Variants in ANKS1B observed in about 807,000 individuals in gnomAD.
The protein encoded by ANKS1B is ankyrin repeat and sterile alpha motif domain containing 1B.
In ANKS1B, 36 loss-of-function variants were observed where a neutral mutation model predicts 148.3. The observed-to-expected ratio is 0.24, with a 90% CI of 0.19 to 0.32. The LOEUF is 0.32. Ranked by LOEUF, ANKS1B falls within the 10% of genes least tolerant of loss-of-function variation. The pLI is 1.00. For missense variants in ANKS1B, 1,157 were observed against 1,542.6 expected (o/e 0.75, Z 4.19); for synonymous variants, 542 against 560.8 (o/e 0.97, Z 0.47).
chr12:99,249,363 C>A (rs943729418), intron 12 of ANKS1B, among the ~76,000 whole-genome samples: 13 of 152,070 alleles, frequency 8.5e-5, no homozygotes, highest in Admixed American at 2.6e-4. Context: ...GTTACCATCC[C>A]CTCTGTAGTT....
intron 17 of ANKS1B, among the ~76,000 whole-genome samples, chr12:98,873,827 A>G (rs955568797): frequency 6.6e-6 from 1 of 152,242 alleles, no homozygotes; most frequent in African/African-American, 2.4e-5. Context: ...ATGGGAAATA[A>G]GCAAAAATGA....
At chr12:99,820,335 G>A (rs910936319) in intron 2 of ANKS1B, among the ~76,000 whole-genome samples, 2 of 151,904 alleles carry the variant, frequency 1.3e-5, no homozygotes, top group Non-Finnish European at 2.9e-5. Context: ...TACAAAATTG[G>A]GGAAACTGGT....
Position 99,595,094 on chromosome 12 carries a change from A to C in ANKS1B, c.1272+59973T>G, listed in dbSNP as rs1272129056. Among the ~76,000 whole-genome samples, 4 of 152,028 alleles carry C rather than the reference A, an allele frequency of 2.6e-5. No homozygotes were observed. In the East Asian group the frequency reaches 7.7e-4, roughly 29 times the overall value. ...GGCACAAATAATAGTTTAACTCATC[A>C]GTGAAATAGAGACATAAATACCTAA... On this transcript the variant is annotated intron_variant, in intron 9 of 26. Coordinates refer to ENST00000683438, the MANE Select transcript of ANKS1B (RefSeq NM_001352186.2).
At chr12:99,338,083 A>C (rs897277984) in intron 12 of ANKS1B, among the ~76,000 whole-genome samples, 3 of 152,156 alleles carry the variant, frequency 2.0e-5, no homozygotes, top group African/African-American at 7.2e-5. Context: ...AAGGCGGTGA[A>C]TCCAGACAGG....
intron 8 of ANKS1B, among the ~76,000 whole-genome samples, chr12:99,655,839 T>C (rs893768478): frequency 6.6e-6 from 1 of 152,096 alleles, no homozygotes; most frequent in African/African-American, 2.4e-5. Flanking sequence ...TTAAGAAAAC[T>C]TCTGGATAAT....
chr12:99,279,642 T>TATTATCAAAC (rs1335752422), intron 12 of ANKS1B, among the ~76,000 whole-genome samples: 1 of 152,198 alleles, frequency 6.6e-6, no homozygotes, highest in Non-Finnish European at 1.5e-5. Flanking sequence ...TGCAGTTGAA[T>TATTATCAAAC]ATTATCAAAC....
At chr12:99,809,041 T>C (rs2067997944) in intron 3 of ANKS1B, among the ~76,000 whole-genome samples, 1 of 152,166 alleles carries the variant, frequency 6.6e-6, no homozygotes, top group Admixed American at 6.5e-5. Context: ...GAGAGCATGA[T>C]TGTGTATTTG....
chr12:99,715,715 C>A (rs1306820131), intron 8 of ANKS1B, among the ~76,000 whole-genome samples: 4 of 152,118 alleles, frequency 2.6e-5, no homozygotes, highest in Non-Finnish European at 4.4e-5. Flanking sequence ...GACCCATCAG[C>A]CCAAGGAACA....
At chr12:98,975,368 GCCTTCCACCCTTCCTA>G (rs2099892929) in intron 17 of ANKS1B, among the ~76,000 whole-genome samples, 1 of 132,158 alleles carries the variant, frequency 7.6e-6, no homozygotes, top group Non-Finnish European at 1.6e-5. Flanking sequence ...CTCCCTTCCT[GCCTTCCACCCTTCCTA>G]CCTTCCTGCC....
chr12:99,905,239 T>G (rs1367892476), intron 1 of ANKS1B, among the ~76,000 whole-genome samples: 1 of 152,236 alleles, frequency 6.6e-6, no homozygotes, highest in Non-Finnish European at 1.5e-5. Context: ...TTAAGTGCCA[T>G]GTTGTACCCA....
intron 9 of ANKS1B, among the ~76,000 whole-genome samples, chr12:99,518,810 A>G (rs1233437542): frequency 6.6e-6 from 1 of 151,968 alleles, no homozygotes; most frequent in African/African-American, 2.4e-5. Flanking sequence ...TTTAAGATGC[A>G]CCAATTGGTT....
At chr12:99,158,246 A>G (rs1479410760) in intron 14 of ANKS1B, among the ~76,000 whole-genome samples, 2 of 152,210 alleles carry the variant, frequency 1.3e-5, no homozygotes, top group Non-Finnish European at 2.9e-5. Context: ...ATGGAGTCTT[A>G]AAATTCTTAA....
rs572477874 is a variant in ANKS1B, at chr12:99,455,350, T to G, written c.1439-11541A>C. The stretch of plus-strand genomic sequence containing the variant: ...GACTAACTTGCAGCTGCCACTCAGA[T>G]GGACAGAGCAGCATGTGGAGACCCA... On this transcript the variant is annotated intron_variant, in intron 10 of 26. Transcript: ENST00000683438. 3.7e-3 allele frequency among the ~76,000 whole-genome samples: 563 copies of G among 152,228 alleles called. 2 individuals carry two copies. The highest frequency in any genetic ancestry group is 0.013 in the African/African-American group (545 of 41,536).
At chr12:99,378,971 G>T (rs573184403) in intron 12 of ANKS1B, among the ~76,000 whole-genome samples, 1 of 152,128 alleles carries the variant, frequency 6.6e-6, no homozygotes, top group Non-Finnish European at 1.5e-5. Flanking sequence ...CCATCCATTT[G>T]TAATGGAAGC....
chr12:99,235,215 C>T (rs2087674660), intron 14 of ANKS1B, among the ~76,000 whole-genome samples: 1 of 152,126 alleles, frequency 6.6e-6, no homozygotes, highest in South Asian at 2.1e-4. Context: ...GCACTTTTAA[C>T]ATTTATTTTT....
At chr12:99,658,377 G>C (rs2098460201) in intron 8 of ANKS1B, among the ~76,000 whole-genome samples, 1 of 152,076 alleles carries the variant, frequency 6.6e-6, no homozygotes, top group South Asian at 2.1e-4. Context: ...GCTTCAATAA[G>C]TATTAACTAT....
chr12:99,041,574 T>C (rs1433491700), intron 17 of ANKS1B, among the ~76,000 whole-genome samples: 1 of 152,154 alleles, frequency 6.6e-6, no homozygotes, highest in African/African-American at 2.4e-5. Flanking sequence ...GGTCATTTTT[T>C]TCCCCCCGGT....
At chr12:99,426,029 C>T (rs2095248032) in intron 11 of ANKS1B, among the ~76,000 whole-genome samples, 1 of 152,094 alleles carries the variant, frequency 6.6e-6, no homozygotes, top group African/African-American at 2.4e-5. Context: ...TCTATCTTTT[C>T]ATACATTTTG....
At chr12:99,718,314 G>C (rs1277978591) in intron 8 of ANKS1B, among the ~76,000 whole-genome samples, 1 of 152,058 alleles carries the variant, frequency 6.6e-6, no homozygotes, top group African/African-American at 2.4e-5. Flanking sequence ...GACTACAGCT[G>C]TATCTCATTG....
Sources: gnomAD v4.1 joint callset for allele counts (sites outside exome capture counted in the v4.1 genomes callset) on GRCh38, gnomAD v4.1.1 for gene constraint, MANE v1.5 for transcripts, NCBI Gene and HGNC (gene_info 2026-07-23, HGNC 2026-07-21) for gene names.